Variants in PLD5 observed in about 807,000 individuals in gnomAD.
PLD5 encodes the protein inactive phospholipase D5.
PLD5 carries 36 observed loss-of-function variants against 61.1 expected under a neutral mutation model. That is an observed-to-expected ratio of 0.59 (90% confidence interval 0.45 to 0.78). The LOEUF (loss-of-function observed/expected upper bound fraction) is 0.78, where lower values mean the gene tolerates loss of function less well. Among genes scored for constraint, PLD5 ranks in the 30% least tolerant of loss-of-function variants. PLD5 has a pLI of 0.00. For synonymous variants in PLD5, 243 were observed against 242.8 expected, an observed-to-expected ratio of 1.00 and a Z score of -0.01; for missense variants, 515 against 644.4, an observed-to-expected ratio of 0.80 and a Z score of 2.17.
At chr1:242,207,161 C>A (rs1002425071) in intron 5 of PLD5, among the ~76,000 whole-genome samples, 5 of 152,142 alleles carry the variant, frequency 3.3e-5, no homozygotes, top group African/African-American at 1.2e-4. Context: ...AAAATACCTC[C>A]CCAACAACAT....
chr1:242,405,804 G>A (rs1357929990), intron 1 of PLD5, among the ~76,000 whole-genome samples: 1 of 151,984 alleles, frequency 6.6e-6, no homozygotes, highest in East Asian at 1.9e-4. Flanking sequence ...GTTTCTCCAT[G>A]TTGGTCAAGC....
intron 5 of PLD5, among the ~76,000 whole-genome samples, chr1:242,175,609 C>G (rs539782983): frequency 3.6e-4 from 55 of 152,174 alleles, no homozygotes; most frequent in South Asian, 2.9e-3. Flanking sequence ...GACAATCAGG[C>G]AAGAGAAAGA....
intron 2 of PLD5, among the ~76,000 whole-genome samples, chr1:242,303,127 G>C (rs768294849): frequency 4.6e-5 from 7 of 152,174 alleles, no homozygotes; most frequent in Non-Finnish European, 8.8e-5. Context: ...GATCATGAGG[G>C]AGGCATTGTT....
chr1:242,219,320 C>G (rs566704720), intron 5 of PLD5, among the ~76,000 whole-genome samples: 3 of 152,148 alleles, frequency 2.0e-5, no homozygotes, highest in South Asian at 2.1e-4. Context: ...GAGACAATAT[C>G]TGTGTGTAGG....
At position 242,089,849 on chromosome 1, in the gene PLD5, T is replaced by A; in HGVS notation, c.*5A>T. On this transcript the variant is annotated 3_prime_UTR_variant, in exon 10 of 10. Transcript: ENST00000536534. ...CAGAGCTGTCCTGTCAGTTTCTTCA[T>A]CATGTTATACGTTCCGGGGATCCTT... 6.2e-7 allele frequency: 1 copy of A among 1,614,112 alleles called. No homozygotes were observed.
intron 5 of PLD5, among the ~76,000 whole-genome samples, chr1:242,167,020 T>C (rs1666349073): frequency 6.6e-6 from 1 of 151,050 alleles, no homozygotes; most frequent in African/African-American, 2.4e-5. Context: ...ATTCCTACTA[T>C]AAAGTCATAG....
intron 1 of PLD5, among the ~76,000 whole-genome samples, chr1:242,475,223 G>A (rs1192670852): frequency 6.6e-6 from 1 of 152,164 alleles, no homozygotes; most frequent in Non-Finnish European, 1.5e-5. Context: ...AGGGGAAAAG[G>A]AAGAGCAAGA....
In PLD5 at chr1:242,093,075, A is replaced by T. The variant is rs374861688; in HGVS notation, c.1355-2965T>A. On this transcript the variant is annotated intron_variant, in intron 9 of 9. Coordinates refer to ENST00000536534, the MANE Select transcript of PLD5 (RefSeq NM_001372062.1). Reference sequence around the variant, plus strand: ...GATAGACATAGCTTTGGACGAATTTATTTCTGATATAAATTAGTGAACTGT... The same window carrying T: ...GATAGACATAGCTTTGGACGAATTTTTTTCTGATATAAATTAGTGAACTGT... Among the ~76,000 whole-genome samples, 612 of 152,262 alleles carry T rather than the reference A, an allele frequency of 4.0e-3. 6 individuals are homozygous for T. Among genetic ancestry groups the T allele is most frequent in the African/African-American group, 0.014 (594 of 41,546 alleles).
intron 1 of PLD5, among the ~76,000 whole-genome samples, chr1:242,386,065 C>T (rs760541758): frequency 1.1e-4 from 16 of 152,144 alleles, no homozygotes; most frequent in Non-Finnish European, 2.2e-4. Flanking sequence ...CACCTTCTCC[C>T]TGTGTCTCTT....
intron 1 of PLD5, among the ~76,000 whole-genome samples, chr1:242,490,786 T>G (rs1388885520): frequency 6.6e-6 from 1 of 152,170 alleles, no homozygotes; most frequent in African/African-American, 2.4e-5. Flanking sequence ...CATACCCTAA[T>G]GCTTCTCAGA....
intron 1 of PLD5, among the ~76,000 whole-genome samples, chr1:242,363,890 C>A (rs1661202958): frequency 6.6e-6 from 1 of 152,092 alleles, no homozygotes; most frequent in Non-Finnish European, 1.5e-5. Context: ...TAATGAACTC[C>A]AGGAAAAGAC....
At chr1:242,352,089 A>G (rs1209883526) in intron 1 of PLD5, among the ~76,000 whole-genome samples, 1 of 152,310 alleles carries the variant, frequency 6.6e-6, no homozygotes, top group East Asian at 1.9e-4. Flanking sequence ...TCTCTTAATG[A>G]TACAATGTAC....
At chr1:242,432,491 T>C (rs1179617652) in intron 1 of PLD5, among the ~76,000 whole-genome samples, 1 of 151,792 alleles carries the variant, frequency 6.6e-6, no homozygotes, top group Non-Finnish European at 1.5e-5. Flanking sequence ...TGCTCAATGC[T>C]CATAAATGGA....
At chr1:242,250,171 G>C (rs775272640) in intron 4 of PLD5, among the ~76,000 whole-genome samples, 2 of 152,202 alleles carry the variant, frequency 1.3e-5, no homozygotes, top group Non-Finnish European at 2.9e-5. Context: ...GGTATACTCA[G>C]TGTTATAAAA....
At position 242,159,526 on chromosome 1, in the gene PLD5, G is replaced by A. The variant is rs1455849616; in HGVS notation, c.736-34861C>T. Among the ~76,000 whole-genome samples, 4 of 152,150 alleles carry A rather than the reference G, an allele frequency of 2.6e-5. No homozygotes were observed. In the East Asian group the frequency reaches 7.7e-4, roughly 29 times the overall value. On this transcript the variant is annotated intron_variant, in intron 5 of 9. Coordinates refer to ENST00000536534, the MANE Select transcript of PLD5 (RefSeq NM_001372062.1). ...TCTGATTAAGCTTTACTGTTAGGCA[G>A]CCACTGTGTTTATGGTTCTCCGAGG...
At chr1:242,432,258 G>A (rs1665759524) in intron 1 of PLD5, among the ~76,000 whole-genome samples, 1 of 152,084 alleles carries the variant, frequency 6.6e-6, no homozygotes, top group Non-Finnish European at 1.5e-5. Flanking sequence ...GGGTAGGATA[G>A]GAAGAAGGAC....
intron 5 of PLD5, among the ~76,000 whole-genome samples, chr1:242,189,312 G>A (rs934834457): frequency 3.3e-5 from 5 of 152,114 alleles, no homozygotes; most frequent in East Asian, 1.9e-4. Flanking sequence ...TGGGCGTAGT[G>A]GCGGGCACCT....
intron 3 of PLD5, among the ~76,000 whole-genome samples, chr1:242,271,402 G>A (rs1674074059): frequency 6.6e-6 from 1 of 151,978 alleles, no homozygotes; most frequent in South Asian, 2.1e-4. Flanking sequence ...AGGTGAAAAG[G>A]TACCTGAAGG....
rs550422157 is a variant in PLD5 at position 242,237,232 on chromosome 1, TGTCATTCACTCTGC to T, written c.608-17131_608-17118del. 3.8e-3 allele frequency among the ~76,000 whole-genome samples: 582 copies of T among 152,186 alleles called. 4 individuals are homozygous for T. Among genetic ancestry groups the T allele is most frequent in the African/African-American group, 0.013 (557 of 41,514 alleles). On this transcript the variant is annotated intron_variant, in intron 4 of 9. Transcript: ENST00000536534. ...TATAAATATCAGAGCTGGTATCATG[TGTCATTCACTCTGC>T]AGAGATTGTGTAAGATTAACATGAG...
Sources: allele counts gnomAD v4.1 joint callset (sites outside exome capture counted in the v4.1 genomes callset), GRCh38; gene constraint gnomAD v4.1.1; transcripts MANE v1.5; gene names NCBI Gene and HGNC (gene_info 2026-07-23, HGNC 2026-07-21).